CATSPER1: variants seen among roughly 807,000 people sequenced by gnomAD.
The protein encoded by CATSPER1 is cation channel sperm-associated protein 1.
A neutral mutation model predicts 72.7 loss-of-function variants in CATSPER1; 57 were observed. The ratio of observed to expected loss-of-function variants is 0.78; its 90% CI spans 0.63 to 0.98. CATSPER1 has a LOEUF of 0.98. Among genes scored for constraint, CATSPER1 ranks in the 50% least tolerant of loss-of-function variants. The probability of loss-of-function intolerance (pLI) is 0.00; values close to 1 mark genes in which losing one functional copy is unlikely to be tolerated. For missense variants in CATSPER1, 910 were observed against 1,033.9 expected (o/e 0.88, Z 1.64); for synonymous variants, 363 against 403.0 (o/e 0.90, Z 1.19).
chr11:66,022,955 C>G lies in CATSPER1; in HGVS notation c.1323G>C (p.Arg441=). ...FLIQGFREMI[R]NLTQSLAFET... ...CAAAGGCCAAGGATTGGGTCAGGTTCCGGATCATTTCCCGGAAGCCCTGAA... is the reference window on the plus strand; with the variant it reads ...CAAAGGCCAAGGATTGGGTCAGGTTGCGGATCATTTCCCGGAAGCCCTGAA... Residue 441 remains arginine, a synonymous_variant, in exon 2 of 12, where the codon CGG becomes CGC. Coordinates refer to ENST00000312106, the MANE Select transcript of CATSPER1 (RefSeq NM_053054.4). The G allele has an allele frequency of 6.2e-7, 1 of 1,614,228 alleles. No individual in the cohort carries two copies.
Position 66,025,395 on chromosome 11 carries a change from G to A in CATSPER1, c.985C>T (p.His329Tyr), listed in dbSNP as rs1856476031. 2 of 1,614,110 alleles carry A rather than the reference G, an allele frequency of 1.2e-6. No homozygotes were observed. The highest frequency in any genetic ancestry group is 1.1e-5 in the South Asian group (1 of 91,070). Residue 329 changes from histidine to tyrosine, a missense_variant, in exon 1 of 12, where the codon CAC becomes TAC. His to Tyr is a moderately conservative substitution (Grantham distance 83, BLOSUM62 2). Transcript: ENST00000312106. Reference protein sequence around the residue: ...VQSTSQLSIPHTSRSLIHDAP... With the variant: ...VQSTSQLSIPYTSRSLIHDAP... The stretch of plus-strand genomic sequence containing the variant: ...TCGTGAATCAGGCTCCGGGATGTGT[G>A]TGGGATAGAGAGTTGGGAAGTGCTC...
intron 1 of CATSPER1, 79 bp downstream of exon 1, chr11:66,025,085 G>A: frequency 6.3e-7 from 1 of 1,580,482 alleles, no homozygotes; most frequent in Non-Finnish European, 8.7e-7. Context: ...TCTGCGGAAG[G>A]ACAGTGCGGG....
Position 66,017,033 on chromosome 11 carries a change from G to A in CATSPER1, c.2316+27C>T, listed in dbSNP as rs748425480. The A allele has an allele frequency of 6.8e-6, 11 of 1,611,786 alleles. No homozygotes were observed. The East Asian group carries it at 1.1e-4, about 16-fold the overall frequency. ...CAAGCCCCTGGGGTTCCCCTCGCCG[G>A]CCCCTTCCCGCTCCTGCCTGGTTCA... On this transcript the variant is annotated intron_variant, in intron 11 of 11. Transcript: ENST00000312106.
Position 66,025,789 on chromosome 11 carries a change from G to A in CATSPER1, c.591C>T (p.Ser197=). The change falls in exon 1 of 12, where the codon TCC becomes TCT. Residue 197 remains serine, a synonymous_variant. Transcript: ENST00000312106. ...CATCGTGTTGGAGCCCGCTAAGGTGGGAAGCCTCGCTGTGGTGGAAGGACT... is the reference window on the plus strand; with the variant it reads ...CATCGTGTTGGAGCCCGCTAAGGTGAGAAGCCTCGCTGTGGTGGAAGGACT... The part of the protein sequence containing the change: ...YSESFHHSEA[S]HLSGLQHDES... 1 of 1,613,606 alleles carries A rather than the reference G, an allele frequency of 6.2e-7. No individual in the cohort carries two copies.
Position 66,017,194 on chromosome 11 carries a change from T to TGGGGGGGGGGGGGGGGGGGGGGGGGGCA in CATSPER1, c.2202-21_2202-20insTGCCCCCCCCCCCCCCCCCCCCCCCCCC. On this transcript the variant is annotated intron_variant, in intron 10 of 11. Coordinates refer to ENST00000312106, the MANE Select transcript of CATSPER1 (RefSeq NM_053054.4). ...TGCTGCCTGCGGGTGGGCGGGGGGG[T>TGGGGGGGGGGGGGGGGGGGGGGGGGGCA]CGCAGAGACAGGGGCTGGGCTGACC... The TGGGGGGGGGGGGGGGGGGGGGGGGGGCA allele has an allele frequency of 3.6e-6, 2 of 550,274 alleles. No individual in the cohort carries two copies. Among genetic ancestry groups the TGGGGGGGGGGGGGGGGGGGGGGGGGGCA allele is most frequent in the Non-Finnish European group, 6.8e-6 (2 of 295,852 alleles). 34.1% of individuals were successfully genotyped at this position (550,274 alleles called of 1,614,324 possible).
Position 66,020,517 on chromosome 11 carries a change from A to C in CATSPER1, c.1991+47T>G, listed in dbSNP as rs1373708829. The C allele has an allele frequency of 6.3e-7, 1 of 1,598,682 alleles. No individual in the cohort carries two copies. The highest frequency in any genetic ancestry group is 1.7e-5 in the Admixed American group (1 of 59,408). On this transcript the variant is annotated intron_variant, in intron 7 of 11. Coordinates refer to ENST00000312106, the MANE Select transcript of CATSPER1 (RefSeq NM_053054.4). This position sits in a 1 kb window ranked among gnomAD's most constrained non-coding sequence, Gnocchi z 4.5. ...TGGGGTAAGGGTCCCAGGGGAGAGG[A>C]GGAAGTGTGGGTGGTGCTGGGCAGC...
At chr11:66,022,671 C>T (rs1856399885) in intron 2 of CATSPER1, among the ~76,000 whole-genome samples, 178 bp downstream of exon 2, 1 of 152,262 alleles carries the variant, frequency 6.6e-6, no homozygotes, top group Non-Finnish European at 1.5e-5. Context: ...TGTCTCGGGC[C>T]GGCCTCAGCG....
Position 66,026,120 on chromosome 11 carries a change from T to C in CATSPER1, c.260A>G (p.His87Arg). The change falls in exon 1 of 12, where the codon CAC becomes CGC. Residue 87 changes from histidine (H) to arginine (R), a missense_variant. By Grantham distance (29) the His-to-Arg change is conservative. Coordinates refer to ENST00000312106, the MANE Select transcript of CATSPER1 (RefSeq NM_053054.4). ...QSHHHSEARNHGRAHGPTGFG... is the reference protein window; with the variant it reads ...QSHHHSEARNRGRAHGPTGFG... ...GCCTGTGGGGCCATGGGCTCTGCCG[T>C]GATTCCGTGCCTCGCTGTGGTGGTG... is the stretch of plus-strand genomic sequence containing the variant. 1 of 1,607,488 alleles carries C rather than the reference T, an allele frequency of 6.2e-7. No individual in the cohort carries two copies. The highest frequency in any genetic ancestry group is 8.5e-7 in the Non-Finnish European group (1 of 1,175,138).
rs1856326620 is a variant in CATSPER1 at position 66,020,206 on chromosome 11, A to G, written c.2065-6T>C. 6.2e-7 allele frequency: 1 copy of G among 1,613,878 alleles called. No individual in the cohort carries two copies. The highest frequency in any genetic ancestry group is 1.3e-5 in the African/African-American group (1 of 75,026). On this transcript the variant is annotated splice_polypyrimidine_tract_variant and splice_region_variant and intron_variant, in intron 8 of 11. Coordinates refer to ENST00000312106, the MANE Select transcript of CATSPER1 (RefSeq NM_053054.4). This position sits in a 1 kb window ranked among gnomAD's most constrained non-coding sequence, Gnocchi z 4.5. ...TCTTGGATCCGGGCGGCCCTCTGGG[A>G]AGAAGAGGCCTCAGATCTGCCAGAG...
rs965085427 is a variant in CATSPER1, at chr11:66,025,563, G to A, written c.817C>T (p.His273Tyr). 3.7e-6 allele frequency: 6 copies of A among 1,603,626 alleles called. No homozygotes were observed. The highest frequency in any genetic ancestry group is 2.2e-5 in the East Asian group (1 of 44,474). ...YHSEYHQGDH[H>Y]PSEYHHGDHP... Reference sequence around the variant, plus strand: ...TCGCCATGGTGGTACTCACTGGGGTGGTGATCACCTTGGTGGTACTCGCTG... The same window carrying A: ...TCGCCATGGTGGTACTCACTGGGGTAGTGATCACCTTGGTGGTACTCGCTG... Residue 273 changes from histidine (H) to tyrosine (Y), a missense_variant, in exon 1 of 12, where the codon CAC becomes TAC. Transcript: ENST00000312106.
At chr11:66,024,849 T>G (rs1856461464) in intron 1 of CATSPER1, among the ~76,000 whole-genome samples, 1 of 152,186 alleles carries the variant, frequency 6.6e-6, no homozygotes, top group Non-Finnish European at 1.5e-5. Flanking sequence ...GCGACTGTGT[T>G]GAATTTTTCC....
chr11:66,017,195 C>T (rs774173209), intron 10 of CATSPER1, 21 bp from the exon 11 acceptor site: 53 of 1,486,328 alleles, frequency 3.6e-5, no homozygotes, highest in Admixed American at 2.8e-4. Context: ...GCGGGGGGGT[C>T]GCAGAGACAG....
intron 1 of CATSPER1, among the ~76,000 whole-genome samples, chr11:66,024,050 G>A (rs946579976): frequency 1.3e-5 from 2 of 151,420 alleles, no homozygotes; most frequent in Non-Finnish European, 2.9e-5. Flanking sequence ...TACAACCTCC[G>A]CCTCCCAGCT....
Position 66,025,788 on chromosome 11 carries a change from G to A in CATSPER1, c.592C>T (p.His198Tyr), listed in dbSNP as rs1446057186. 5.6e-6 allele frequency: 9 copies of A among 1,613,660 alleles called. No homozygotes were observed. Among genetic ancestry groups the A allele is most frequent in the Middle Eastern group, 1.6e-4 (1 of 6,062 alleles). Reference sequence around the variant, plus strand: ...TCATCGTGTTGGAGCCCGCTAAGGTGGGAAGCCTCGCTGTGGTGGAAGGAC... The same window carrying A: ...TCATCGTGTTGGAGCCCGCTAAGGTAGGAAGCCTCGCTGTGGTGGAAGGAC... Reference protein sequence around the residue: ...SESFHHSEASHLSGLQHDESQ... With the variant: ...SESFHHSEASYLSGLQHDESQ... The change falls in exon 1 of 12, where the codon CAC becomes TAC. Residue 198 changes from histidine to tyrosine, a missense_variant. Transcript: ENST00000312106.
intron 3 of CATSPER1, 36 bp from the exon 4 acceptor site, chr11:66,021,679 C>T: frequency 1.2e-6 from 2 of 1,608,520 alleles, no homozygotes; most frequent in African/African-American, 1.3e-5. Context: ...GGCGGGCTCC[C>T]AACGCCAGCG....
At chr11:66,022,715 A>G (rs1219013299) in intron 2 of CATSPER1, 134 bp downstream of exon 2, 3 of 818,250 alleles carry the variant, frequency 3.7e-6, no homozygotes, top group Non-Finnish European at 6.1e-6. Context: ...ATACTGGGTA[A>G]GGCCATCTAC....
intron 9 of CATSPER1, 64 bp from the exon 10 acceptor site, chr11:66,018,966 A>C: frequency 2.2e-6 from 3 of 1,368,968 alleles, no homozygotes; most frequent in Non-Finnish European, 3.1e-6. Context: ...GAGGAACCCC[A>C]TGTGTCAGGA....
Position 66,026,214 on chromosome 11 carries a change from C to G in CATSPER1, c.166G>C (p.Glu56Gln). Residue 56 changes from glutamate to glutamine, a missense_variant, in exon 1 of 12, where the codon GAA becomes CAA. By Grantham distance (29) the Glu-to-Gln change is conservative. Coordinates refer to ENST00000312106, the MANE Select transcript of CATSPER1 (RefSeq NM_053054.4). Reference protein sequence around the residue: ...HHHGVPHQRGESHHPPEFQDF... With the variant: ...HHHGVPHQRGQSHHPPEFQDF... ...TGGAACTCCGGAGGGTGGTGAGATT[C>G]ACCACGTTGGTGGGGCACGCCGTGA... is the stretch of plus-strand genomic sequence containing the variant. The G allele has an allele frequency of 6.2e-7, 1 of 1,610,716 alleles. No individual in the cohort carries two copies.
chr11:66,019,908 G>C (rs112663414), intron 9 of CATSPER1, among the ~76,000 whole-genome samples: 77 of 92,424 alleles, frequency 8.3e-4, no homozygotes, highest in African/African-American at 3.3e-3. Context: ...CAGAGCACAA[G>C]ACTCCATCTC....
Sources: gnomAD v4.1 joint callset for allele counts (sites outside exome capture counted in the v4.1 genomes callset) on GRCh38, gnomAD v4.1.1 for gene constraint, Gnocchi (gnomAD v3.1) non-coding constraint, MANE v1.5 for transcripts, NCBI Gene and HGNC (gene_info 2026-07-23, HGNC 2026-07-21) for gene names.